NECAP2: variants seen among roughly 807,000 people sequenced by gnomAD.
NECAP2 encodes the protein NECAP endocytosis associated 2.
Under a neutral mutation model 37.8 loss-of-function variants are expected in NECAP2, and 38 were observed. The ratio of observed to expected loss-of-function variants is 1.01; its 90% CI spans 0.78 to 1.32. The LOEUF (loss-of-function observed/expected upper bound fraction) is 1.32, where lower values mean the gene tolerates loss of function less well. Ranked by LOEUF, NECAP2 falls within the 40% of genes most tolerant of loss-of-function variation. NECAP2 has a pLI of 0.00. For missense variants in NECAP2, 316 were observed against 334.5 expected (o/e 0.94, Z 0.43); for synonymous variants, 121 against 127.7 (o/e 0.95, Z 0.35).
intron 2 of NECAP2, among the ~76,000 whole-genome samples, chr1:16,447,111 C>T (rs1213316395): frequency 4.0e-5 from 6 of 151,178 alleles, no homozygotes; most frequent in Admixed American, 4.0e-4. Context: ...TCAAGCAACG[C>T]ACCCCACTTC....
At chr1:16,457,380 C>A (rs538992988) in intron 7 of NECAP2, among the ~76,000 whole-genome samples, 1 of 152,154 alleles carries the variant, frequency 6.6e-6, no homozygotes, top group East Asian at 1.9e-4. Context: ...TTGCTTGAAC[C>A]CGGGAGATTG....
At chr1:16,449,255 C>G in intron 5 of NECAP2, 54 bp downstream of exon 5, 1 of 1,231,472 alleles carries the variant, frequency 8.1e-7, no homozygotes. Context: ...GCCACCCAGC[C>G]CCAGAGCCCA....
Position 16,458,844 on chromosome 1 carries a change from C to A in NECAP2, c.746C>A (p.Ser249Ter). The A allele has an allele frequency of 1.2e-6, 2 of 1,613,420 alleles. No individual in the cohort carries two copies. The highest frequency in any genetic ancestry group is 2.2e-5 in the South Asian group (2 of 90,992). ...CCTTCCCTGTCTTCTCTTTACAGAT[C>A]AACTTCCAGCCAGACCCAGCCAGGC... is the stretch of plus-strand genomic sequence containing the variant. ...IWGDFTKSTGSTSSQTQPGTG... is the reference protein window; with the variant it reads ...IWGDFTKSTG The change falls in exon 8 of 8, where the codon TCA becomes TAA. Residue 249 changes from serine to a stop codon, truncating the protein, a stop_gained and splice_region_variant. Coordinates refer to ENST00000337132, the MANE Select transcript of NECAP2 (RefSeq NM_018090.5). LOFTEE classifies it high-confidence loss of function.
intron 2 of NECAP2, among the ~76,000 whole-genome samples, chr1:16,447,519 A>G (rs1000750329): frequency 5.9e-5 from 9 of 152,136 alleles, no homozygotes; most frequent in African/African-American, 2.2e-4. Flanking sequence ...GGTTCAGGTA[A>G]TATAAGTGGG....
intron 6 of NECAP2, among the ~76,000 whole-genome samples, chr1:16,454,411 AG>A (rs1403557784): frequency 1.4e-5 from 2 of 146,856 alleles, no homozygotes; most frequent in African/African-American, 5.1e-5. Flanking sequence ...GCTGGAGTGC[AG>A]TGGCATGATC....
At chr1:16,458,160 A>G (rs1267722804) in intron 7 of NECAP2, among the ~76,000 whole-genome samples, 2 of 152,368 alleles carry the variant, frequency 1.3e-5, no homozygotes, top group South Asian at 2.1e-4. Flanking sequence ...GATTATTCAG[A>G]TGATTCTGAA....
chr1:16,457,946 A>G (rs911612462), intron 7 of NECAP2, among the ~76,000 whole-genome samples: 11 of 151,984 alleles, frequency 7.2e-5, no homozygotes, highest in Non-Finnish European at 1.5e-5. Flanking sequence ...CCTGGAATCC[A>G]GCAGTCCGCC....
chr1:16,453,877 C>G (rs1316531161), intron 6 of NECAP2, among the ~76,000 whole-genome samples: 2 of 152,060 alleles, frequency 1.3e-5, no homozygotes. Context: ...CGTATAGCAT[C>G]CAGTTTCAGC....
At chr1:16,443,792 G>C (rs768800437) in intron 2 of NECAP2, 60 bp downstream of exon 2, 4 of 1,392,472 alleles carry the variant, frequency 2.9e-6, no homozygotes, top group Non-Finnish European at 4.0e-6. Context: ...TGAAGGGAGA[G>C]GTGGCCTGGT....
rs756191468 is a variant in NECAP2, at chr1:16,458,930, G to A, written c.*40G>A. The stretch of plus-strand genomic sequence containing the variant: ...TTCCTCATGTGACTTCTGGGAAGGC[G>A]CTCCCTCATCTGGGCCAAAGGAAGG... On this transcript the variant is annotated 3_prime_UTR_variant, in exon 8 of 8. Coordinates refer to ENST00000337132, the MANE Select transcript of NECAP2 (RefSeq NM_018090.5). The A allele has an allele frequency of 1.8e-5, 29 of 1,613,850 alleles. No homozygotes were observed. The highest frequency in any genetic ancestry group is 1.5e-4 in the African/African-American group (11 of 74,860).
intron 5 of NECAP2, chr1:16,450,437 C>G (rs1171068984): frequency 1.9e-5 from 4 of 211,008 alleles, no homozygotes. Context: ...ACACTGAGGT[C>G]TTTGAGGTCT....
At chr1:16,457,022 G>A (rs1286810795) in intron 7 of NECAP2, among the ~76,000 whole-genome samples, 1 of 152,196 alleles carries the variant, frequency 6.6e-6, no homozygotes, top group Non-Finnish European at 1.5e-5. Context: ...TAAAGGACTA[G>A]ATAGCAAATA....
intron 5 of NECAP2, chr1:16,450,285 G>GTT: frequency 2.8e-6 from 1 of 353,548 alleles, no homozygotes; most frequent in East Asian, 8.7e-5. Context: ...GTTTTGTTTT[G>GTT]TTGTTTTTTT....
chr1:16,449,332 G>C lies in NECAP2; in HGVS notation c.489+131G>C. On this transcript the variant is annotated intron_variant, in intron 5 of 7. Coordinates refer to ENST00000337132, the MANE Select transcript of NECAP2 (RefSeq NM_018090.5). Reference sequence around the variant, plus strand: ...TTAGTGAGCATCTGCCTTGTGCCAGGTCCTGCATCGGGGTGAACAAGAGAC... The same window carrying C: ...TTAGTGAGCATCTGCCTTGTGCCAGCTCCTGCATCGGGGTGAACAAGAGAC... 7.9e-6 allele frequency: 5 copies of C among 634,536 alleles called. No individual in the cohort carries two copies. The South Asian group carries it at 9.8e-5, about 12-fold the overall frequency. 39.3% of individuals were successfully genotyped at this position (634,536 alleles called of 1,614,324 possible). A position where few individuals can be genotyped will look rare whatever the true frequency, so the allele number is the denominator to read the frequency against.
At position 16,446,010 on chromosome 1, in the gene NECAP2, A is replaced by G. The variant is rs561451364; in HGVS notation, c.194-1860A>G. Among the ~76,000 whole-genome samples, 36 of 152,108 alleles carry G rather than the reference A, an allele frequency of 2.4e-4. No individual in the cohort carries two copies. The South Asian group carries it at 7.5e-3, about 32-fold the overall frequency. ...GATCACCTGAGGTCGGGAGTTTGAG[A>G]CCAGCCTGACCAACACGGAGAAACC... On this transcript the variant is annotated intron_variant, in intron 2 of 7. Transcript: ENST00000337132.
intron 1 of NECAP2, among the ~76,000 whole-genome samples, chr1:16,442,445 G>A (rs2086703015): frequency 6.6e-6 from 1 of 152,210 alleles, no homozygotes; most frequent in Non-Finnish European, 1.5e-5. Context: ...AGAGGAACAG[G>A]AACTGAGTCT....
chr1:16,448,131 G>A lies in NECAP2; in HGVS notation c.370G>A (p.Asp124Asn), dbSNP rs768020577. 2.5e-6 allele frequency: 4 copies of A among 1,613,974 alleles called. No homozygotes were observed. The highest frequency in any genetic ancestry group is 1.7e-6 in the Non-Finnish European group (2 of 1,179,914). Residue 124 changes from aspartate (D) to asparagine (N), a missense_variant, in exon 4 of 8, where the codon GAC becomes AAC. Physicochemically the swap from Asp to Asn is conservative, Grantham distance 23. This residue lies in a region of NECAP2 where 204 missense variants were observed against 188.6 expected (regional missense o/e 1.08). Transcript: ENST00000337132. ...CTTTGACTTCAATGTTGCATTGCAG[G>A]ACCATTTCAAGTGAGTGGGTCTGGG... Reference protein sequence around the residue: ...DAFDFNVALQDHFKWVKQQCE... With the variant: ...DAFDFNVALQNHFKWVKQQCE...
intron 6 of NECAP2, among the ~76,000 whole-genome samples, chr1:16,455,204 G>A (rs1042251139): frequency 6.6e-6 from 1 of 152,244 alleles, no homozygotes; most frequent in Admixed American, 6.5e-5. Context: ...CACTGGGGGA[G>A]GTGCCTGAAA....
intron 6 of NECAP2, among the ~76,000 whole-genome samples, chr1:16,453,031 T>C (rs1181384555): frequency 1.3e-5 from 2 of 151,600 alleles, no homozygotes; most frequent in Admixed American, 6.6e-5. Flanking sequence ...CTTTAAGTGC[T>C]ATTTCTCAGA....
Sources: gnomAD v4.1 joint callset for allele counts (sites outside exome capture counted in the v4.1 genomes callset) on GRCh38, gnomAD v4.1.1 for gene constraint, gnomAD v4.1.1 regional missense constraint, MANE v1.5 for transcripts, NCBI Gene and HGNC (gene_info 2026-07-23, HGNC 2026-07-21) for gene names.